Variants in ARMC2 observed in about 807,000 individuals in gnomAD.
ARMC2 encodes armadillo repeat-containing protein 2.
A neutral mutation model predicts 90.3 loss-of-function variants in ARMC2; 67 were observed. That is an observed-to-expected ratio of 0.74 (90% CI 0.61 to 0.91). The LOEUF (loss-of-function observed/expected upper bound fraction) is 0.91. ARMC2 is among the 40% of genes least tolerant of loss of function. The pLI, the probability that ARMC2 is intolerant of heterozygous loss-of-function variation, is 0.00. For missense variants in ARMC2, 920 were observed against 1,030.9 expected (o/e 0.89, Z 1.47); for synonymous variants, 393 against 393.0 (o/e 1.00, Z 0.00).
At chr6:109,018,036 A>G in the ARMC2 span, among the ~76,000 whole-genome samples, 1 of 152,196 alleles carries the variant, frequency 6.6e-6, no homozygotes, top group East Asian at 1.9e-4. Context: ...AAGAAATAGC[A>G]AAAATATAAT....
At chr6:109,007,785 CTTTTTTT>C in the ARMC2 span, among the ~76,000 whole-genome samples, 235 of 103,334 alleles carry the variant, frequency 2.3e-3, no homozygotes, top group Non-Finnish European at 3.7e-3. Context: ...AGTCCAGGTA[CTTTTTTT>C]TTTTTTTTTT....
At chr6:108,934,569 C>G (rs1161301142) in intron 11 of ARMC2, among the ~76,000 whole-genome samples, 1 of 152,060 alleles carries the variant, frequency 6.6e-6, no homozygotes, top group Admixed American at 6.6e-5. Flanking sequence ...TTGTAAAAAG[C>G]TGATCGGCTT....
chr6:108,873,573 G>T (rs987626874), intron 4 of ARMC2, among the ~76,000 whole-genome samples: 1 of 152,102 alleles, frequency 6.6e-6, no homozygotes, highest in Non-Finnish European at 1.5e-5. Context: ...GAAATGTGGG[G>T]CCCTTTGTTC....
chr6:109,001,564 C>T, the ARMC2 span: 1 of 1,225,860 alleles, frequency 8.2e-7, no homozygotes. Flanking sequence ...ATGCGCTACA[C>T]TCTAAGTATC....
chr6:108,937,447 G>T (rs978722411), intron 12 of ARMC2, among the ~76,000 whole-genome samples: 1 of 152,112 alleles, frequency 6.6e-6, no homozygotes, highest in Non-Finnish European at 1.5e-5. Flanking sequence ...GACTTCTGAT[G>T]CAAATTAAGG....
chr6:108,935,121 C>T (rs1456416660), intron 11 of ARMC2, among the ~76,000 whole-genome samples: 1 of 152,072 alleles, frequency 6.6e-6, no homozygotes, highest in Non-Finnish European at 1.5e-5. Flanking sequence ...GTTACCTTGC[C>T]TCTTCATTGT....
chr6:108,999,120 G>A, the ARMC2 span: 3 of 165,010 alleles, frequency 1.8e-5, no homozygotes, highest in East Asian at 5.3e-4. Context: ...GTGTTTAAAA[G>A]TAGAAGCTGC....
At chr6:109,017,022 A>ATATATTT in the ARMC2 span, among the ~76,000 whole-genome samples, 1 of 151,988 alleles carries the variant, frequency 6.6e-6, no homozygotes, top group East Asian at 1.9e-4. Context: ...CTATTATTTT[A>ATATATTT]TATATTTTAT....
chr6:108,988,540 T>C, the ARMC2 span: 3 of 1,606,094 alleles, frequency 1.9e-6, no homozygotes, highest in South Asian at 1.1e-5. Context: ...AATAGGCACA[T>C]ACCTTCTCAG....
chr6:108,867,428 GA>G (rs940948668), intron 3 of ARMC2, among the ~76,000 whole-genome samples: 16 of 151,984 alleles, frequency 1.1e-4, no homozygotes, highest in Admixed American at 9.2e-4. Flanking sequence ...AAAGATGGGG[GA>G]AAAAATAGGG....
chr6:108,994,751 G>A, the ARMC2 span: 4 of 663,330 alleles, frequency 6.0e-6, no homozygotes, highest in South Asian at 5.3e-5. Flanking sequence ...TGCCCAGGCT[G>A]CAGTGCAGTG....
intron 10 of ARMC2, among the ~76,000 whole-genome samples, chr6:108,915,917 G>A (rs1351409092): frequency 2.0e-5 from 3 of 152,126 alleles, no homozygotes; most frequent in South Asian, 4.2e-4. Context: ...GGAGGAGAAC[G>A]TATCCGTGAT....
chr6:109,004,459 CAG>C, the ARMC2 span, among the ~76,000 whole-genome samples: 1 of 145,738 alleles, frequency 6.9e-6, no homozygotes, highest in Non-Finnish European at 1.5e-5. Context: ...TTTTTGGAGA[CAG>C]AGTCTCGCTG....
chr6:108,964,388 C>T, intron 16 of ARMC2, 76 bp downstream of exon 16: 3 of 1,512,136 alleles, frequency 2.0e-6, no homozygotes, highest in Middle Eastern at 1.7e-4. Flanking sequence ...TTGGCCCTTT[C>T]ATCATTCCTG....
At chr6:108,977,243 A>G (rs1252079461), downstream of ARMC2, among the ~76,000 whole-genome samples, 1 of 152,228 alleles carries the variant, frequency 6.6e-6, no homozygotes, top group African/African-American at 2.4e-5. Context: ...CCTTTTCTGC[A>G]TCTATTGAGA....
the ARMC2 span, among the ~76,000 whole-genome samples, chr6:108,991,929 G>C: frequency 4.6e-5 from 7 of 151,998 alleles, no homozygotes; most frequent in Non-Finnish European, 1.0e-4. Context: ...CTCAACCTAA[G>C]CTTAATTATT....
At chr6:109,038,645 ATGCTCTGAG>A in the ARMC2 span, among the ~76,000 whole-genome samples, 1 of 152,360 alleles carries the variant, frequency 6.6e-6, no homozygotes, top group African/African-American at 2.4e-5. Context: ...TTAGGGGCAT[ATGCTCTGAG>A]TGGGATGTGG....
chr6:108,913,729 C>T (rs1773663659), intron 10 of ARMC2, among the ~76,000 whole-genome samples: 1 of 152,054 alleles, frequency 6.6e-6, no homozygotes, highest in Non-Finnish European at 1.5e-5. Flanking sequence ...TTTTAAATAA[C>T]CCGTTACTTT....
intron 3 of ARMC2, among the ~76,000 whole-genome samples, chr6:108,867,285 G>A (rs17069940): frequency 0.019 from 2,944 of 152,232 alleles, 101 homozygotes; most frequent in African/African-American, 0.068. Flanking sequence ...GCATCAGGTC[G>A]GAGGCCACTC....
Sources: allele counts gnomAD v4.1 joint callset (sites outside exome capture counted in the v4.1 genomes callset), GRCh38; gene constraint gnomAD v4.1.1; transcripts MANE v1.5; gene names NCBI Gene and HGNC (gene_info 2026-07-23, HGNC 2026-07-21).